The following IMPG1 variants were observed in gnomAD, a reference collection of about 807,000 sequenced individuals.
IMPG1 encodes interphotoreceptor matrix proteoglycan 1.
In IMPG1, 85 loss-of-function variants were observed where a neutral mutation model predicts 92.0. The ratio of observed to expected loss-of-function variants is 0.92; its 90% confidence interval spans 0.78 to 1.11. The LOEUF (loss-of-function observed/expected upper bound fraction) is 1.11. IMPG1 is among the 50% of genes least tolerant of loss of function. IMPG1 has a pLI of 0.00. For missense variants in IMPG1, 1,022 were observed against 956.0 expected (o/e 1.07, Z -0.91); for synonymous variants, 367 against 334.1 (o/e 1.10, Z -1.08).
intron 12 of IMPG1, among the ~76,000 whole-genome samples, chr6:75,997,936 T>C (rs1470274168): frequency 6.6e-6 from 1 of 152,166 alleles, no homozygotes; most frequent in Non-Finnish European, 1.5e-5. Flanking sequence ...TATAAATCCT[T>C]TTCAGGGAGC....
Position 75,931,107 on chromosome 6 carries a change from C to T in IMPG1, c.2089G>A (p.Ala697Thr). 6.2e-7 allele frequency: 1 copy of T among 1,614,108 alleles called. No homozygotes were observed. Among genetic ancestry groups the T allele is most frequent in the South Asian group, 1.1e-5 (1 of 91,068 alleles). Residue 697 changes from alanine (A) to threonine (T), a missense_variant, in exon 15 of 17, where the codon GCC becomes ACC. Transcript: ENST00000369950. ...GTCCGTTCGTTCTTTACACATTGGG[C>T]AAATTCGCCGCAGGCCAGGAACTTG... Reference protein sequence around the residue: ...PCKFLACGEFAQCVKNERTEE... With the variant: ...PCKFLACGEFTQCVKNERTEE...
At chr6:75,982,059 C>T (rs9341548) in intron 12 of IMPG1, among the ~76,000 whole-genome samples, 60,900 of 151,906 alleles carry the variant, frequency 0.4, 13,107 homozygotes, top group East Asian at 0.58. Context: ...GAGAAATTTT[C>T]AGGATTAAGG....
intron 12 of IMPG1, among the ~76,000 whole-genome samples, chr6:75,990,810 T>C (rs1379105030): frequency 6.6e-6 from 1 of 152,204 alleles, no homozygotes; most frequent in Non-Finnish European, 1.5e-5. Flanking sequence ...TGTTTCACTT[T>C]CTTAAAATGT....
chr6:75,996,569 GT>G (rs978154840), intron 12 of IMPG1, among the ~76,000 whole-genome samples: 5 of 152,192 alleles, frequency 3.3e-5, no homozygotes, highest in Non-Finnish European at 7.3e-5. Flanking sequence ...TGGGAAAGGA[GT>G]TGGGAGCAGC....
intron 1 of IMPG1, among the ~76,000 whole-genome samples, chr6:76,042,858 T>A (rs147502520): frequency 2.3e-4 from 35 of 152,310 alleles, no homozygotes; most frequent in African/African-American, 7.5e-4. Context: ...TTTTTAACTT[T>A]CTGGACCTCT....
chr6:75,979,537 A>T (rs1206079660), intron 12 of IMPG1, among the ~76,000 whole-genome samples: 1 of 152,208 alleles, frequency 6.6e-6, no homozygotes, highest in African/African-American at 2.4e-5. Flanking sequence ...AACCACTGTT[A>T]TCTCATTTCC....
At chr6:75,998,743 C>T (rs17802365) in intron 12 of IMPG1, among the ~76,000 whole-genome samples, 10,498 of 152,188 alleles carry the variant, frequency 0.069, 428 homozygotes, top group South Asian at 0.11. Flanking sequence ...CCAAACCAAA[C>T]CACAAAAAAT....
At chr6:75,976,280 A>G (rs911939544) in intron 12 of IMPG1, among the ~76,000 whole-genome samples, 6 of 152,196 alleles carry the variant, frequency 3.9e-5, no homozygotes, top group Non-Finnish European at 8.8e-5. Flanking sequence ...AAAGGCTGAG[A>G]GAGGCTGGGC....
intron 4 of IMPG1, among the ~76,000 whole-genome samples, 173 bp downstream of exon 4, chr6:76,034,142 T>C (rs139319107): frequency 1.3e-5 from 2 of 152,356 alleles, no homozygotes; most frequent in East Asian, 1.9e-4. Context: ...TTTTGTTTTA[T>C]GTACTGATTT....
chr6:76,008,566 G>T (rs74784605), intron 8 of IMPG1, among the ~76,000 whole-genome samples: 1 of 152,188 alleles, frequency 6.6e-6, no homozygotes, highest in African/African-American at 2.4e-5. Flanking sequence ...TAGTGCTGCT[G>T]TATGGGTGAG....
At chr6:76,033,928 T>C (rs756217509) in intron 4 of IMPG1, among the ~76,000 whole-genome samples, 14 of 152,176 alleles carry the variant, frequency 9.2e-5, no homozygotes, top group Non-Finnish European at 1.5e-4. Context: ...CAAATGAGAG[T>C]TCAAAATTCA....
chr6:76,000,747 T>A (rs1490432307), intron 12 of IMPG1, among the ~76,000 whole-genome samples: 1 of 152,178 alleles, frequency 6.6e-6, no homozygotes, highest in Non-Finnish European at 1.5e-5. Context: ...GTGACTTTTG[T>A]GAAAGTTACA....
At chr6:76,028,694 G>A (rs1315538004) in intron 4 of IMPG1, among the ~76,000 whole-genome samples, 1 of 152,162 alleles carries the variant, frequency 6.6e-6, no homozygotes, top group Non-Finnish European at 1.5e-5. Flanking sequence ...GCCAGGCATG[G>A]TGGTGGGTGC....
At chr6:76,004,875 A>G (rs1415836016) in intron 10 of IMPG1, among the ~76,000 whole-genome samples, 3 of 152,160 alleles carry the variant, frequency 2.0e-5, no homozygotes, top group Non-Finnish European at 4.4e-5. Context: ...ACCTTTACAA[A>G]TGGTCCCTTT....
intron 1 of IMPG1, among the ~76,000 whole-genome samples, chr6:76,045,343 C>A (rs781222140): frequency 6.6e-6 from 1 of 151,694 alleles, no homozygotes; most frequent in Non-Finnish European, 1.5e-5. Context: ...CTATTTCTGT[C>A]GTCTGGTGCA....
At chr6:75,985,173 T>G (rs1782692863) in intron 12 of IMPG1, among the ~76,000 whole-genome samples, 1 of 152,244 alleles carries the variant, frequency 6.6e-6, no homozygotes. Context: ...TCCTGATATT[T>G]GTGATTTTGG....
intron 1 of IMPG1, among the ~76,000 whole-genome samples, chr6:76,051,335 T>C (rs1479821073): frequency 6.6e-6 from 1 of 152,186 alleles, no homozygotes; most frequent in Non-Finnish European, 1.5e-5. Context: ...TATCAACAAA[T>C]TATGCAGGTT....
At chr6:76,063,383 A>T (rs1394076185) in intron 1 of IMPG1, among the ~76,000 whole-genome samples, 1 of 152,156 alleles carries the variant, frequency 6.6e-6, no homozygotes, top group Non-Finnish European at 1.5e-5. Context: ...AGAAGGAAGC[A>T]AGAGGTTGTC....
intron 14 of IMPG1, among the ~76,000 whole-genome samples, chr6:75,939,720 C>T (rs1781807287): frequency 6.6e-6 from 1 of 152,132 alleles, no homozygotes; most frequent in Non-Finnish European, 1.5e-5. Flanking sequence ...ACCTTTACAA[C>T]TCTGGAATGT....
Sources: gnomAD v4.1 joint callset for allele counts (sites outside exome capture counted in the v4.1 genomes callset) on GRCh38, gnomAD v4.1.1 for gene constraint, MANE v1.5 for transcripts, NCBI Gene and HGNC (gene_info 2026-07-23, HGNC 2026-07-21) for gene names.